The following ARHGAP15 variants were observed in gnomAD, a reference collection of about 807,000 sequenced individuals.
The protein encoded by ARHGAP15 is Rho GTPase activating protein 15.
ARHGAP15 carries 51 observed loss-of-function variants against 63.7 expected under a neutral mutation model. The ratio of observed to expected loss-of-function variants is 0.80; its 90% confidence interval spans 0.64 to 1.01. The LOEUF (loss-of-function observed/expected upper bound fraction) is 1.01. ARHGAP15 is among the 50% of genes least tolerant of loss of function. The pLI is 0.00. For missense variants in ARHGAP15, 560 were observed against 564.6 expected (o/e 0.99, Z 0.08); for synonymous variants, 191 against 193.8 (o/e 0.99, Z 0.12).
At chr2:143,162,402 A>G (rs552082248) in intron 2 of ARHGAP15, 41 of 152,152 alleles carry the variant, frequency 2.7e-4, no homozygotes, top group African/African-American at 9.6e-4. Flanking sequence ...ACGAAGGCAC[A>G]CTGTTCCTCT....
intron 3 of ARHGAP15, among the ~76,000 whole-genome samples, chr2:143,208,655 G>A (rs192464292): frequency 1.3e-5 from 2 of 152,184 alleles, no homozygotes; most frequent in Admixed American, 1.3e-4. Context: ...TATCACAACA[G>A]TTTTGTACAT....
intron 2 of ARHGAP15, among the ~76,000 whole-genome samples, chr2:143,176,922 C>T (rs933583861): frequency 6.6e-6 from 1 of 152,168 alleles, no homozygotes; most frequent in Admixed American, 6.5e-5. Context: ...CCACATGGGC[C>T]TTTCCATGGC....
intron 5 of ARHGAP15, among the ~76,000 whole-genome samples, chr2:143,243,524 AT>A (rs1474637369): frequency 3.3e-5 from 5 of 152,168 alleles, no homozygotes; most frequent in Admixed American, 1.3e-4. Context: ...ATATTTAGTC[AT>A]TTTTTAAAAA....
chr2:143,456,699 T>G (rs927557651), intron 8 of ARHGAP15, among the ~76,000 whole-genome samples: 2 of 152,036 alleles, frequency 1.3e-5, no homozygotes, highest in Non-Finnish European at 2.9e-5. Context: ...GATTATAACT[T>G]CAGCAGTCTA....
intron 9 of ARHGAP15, among the ~76,000 whole-genome samples, chr2:143,501,276 A>G (rs921910070): frequency 2.0e-5 from 3 of 152,254 alleles, no homozygotes; most frequent in Admixed American, 6.5e-5. Context: ...CGATGTTTAC[A>G]TCTTTTGTGA....
chr2:143,570,867 C>A (rs938272177), intron 11 of ARHGAP15, among the ~76,000 whole-genome samples: 2 of 152,038 alleles, frequency 1.3e-5, no homozygotes, highest in African/African-American at 2.4e-5. Context: ...CCAACAGAAC[C>A]AAGAGAATGT....
intron 6 of ARHGAP15, among the ~76,000 whole-genome samples, chr2:143,397,535 C>G (rs1237726904): frequency 1.3e-5 from 2 of 150,852 alleles, no homozygotes; most frequent in Non-Finnish European, 2.9e-5. Context: ...TGTGTGGAAA[C>G]AATTAATATG....
intron 6 of ARHGAP15, among the ~76,000 whole-genome samples, chr2:143,395,006 A>C (rs1019599512): frequency 6.6e-6 from 1 of 152,202 alleles, no homozygotes; most frequent in African/African-American, 2.4e-5. Flanking sequence ...TGCTATGCTT[A>C]GTCTGAAAGA....
In ARHGAP15 at chr2:143,556,427, A is replaced by G; in HGVS notation, c.945A>G (p.Ile315Met). 6.2e-7 allele frequency: 1 copy of G among 1,612,396 alleles called. No homozygotes were observed. The highest frequency in any genetic ancestry group is 8.5e-7 in the Non-Finnish European group (1 of 1,178,886). Residue 315 changes from isoleucine to methionine, a missense_variant, in exon 11 of 14, where the codon ATA becomes ATG. Coordinates refer to ENST00000295095, the MANE Select transcript of ARHGAP15 (RefSeq NM_018460.4). ...VEKRGLDVDG[I>M]YRVSGNLATI... The stretch of plus-strand genomic sequence containing the variant: ...CTTCAGGTCTAGATGTTGATGGAAT[A>G]TATCGAGTTAGTGGCAATCTGGCAA...
At chr2:143,728,614 A>G (rs534133549) in intron 13 of ARHGAP15, among the ~76,000 whole-genome samples, 2 of 152,292 alleles carry the variant, frequency 1.3e-5, no homozygotes, top group East Asian at 3.9e-4. Context: ...GAATGAAACA[A>G]TGATGACTTT....
rs965265275 is a variant in ARHGAP15, at chr2:143,278,868, CT to C, written c.474+28283del. 2.6e-3 allele frequency among the ~76,000 whole-genome samples: 358 copies of C among 135,262 alleles called. 1 individual carries two copies. Among genetic ancestry groups the C allele is most frequent in the African/African-American group, 5.6e-3 (208 of 37,060 alleles). 88.7% of individuals were successfully genotyped at this position (135,262 alleles called of 152,430 possible). On this transcript the variant is annotated intron_variant, in intron 6 of 13. Transcript: ENST00000295095. ...GCTACGCTGAAGAGTTTCTTTCTTT[CT>C]TTTTTTTTTTTTTTGGCCAGGCTAC...
At chr2:143,320,142 TAATTA>T (rs1347609774) in intron 6 of ARHGAP15, among the ~76,000 whole-genome samples, 1 of 152,200 alleles carries the variant, frequency 6.6e-6, no homozygotes, top group Non-Finnish European at 1.5e-5. Context: ...CAATGAAAGA[TAATTA>T]AAACTATGGG....
At chr2:143,237,480 A>G (rs1693700286) in intron 5 of ARHGAP15, 1 of 152,198 alleles carries the variant, frequency 6.6e-6, no homozygotes, top group Admixed American at 6.5e-5. Flanking sequence ...AAGCAGAGCT[A>G]TCCATCTAAG....
rs181427771 is a variant in ARHGAP15, at chr2:143,448,927, C to G, written c.703+11885C>G. 3.3e-5 allele frequency among the ~76,000 whole-genome samples: 5 copies of G among 151,988 alleles called. No individual in the cohort carries two copies. In the East Asian group the frequency reaches 9.7e-4, roughly 29 times the overall value. On this transcript the variant is annotated intron_variant, in intron 8 of 13. Transcript: ENST00000295095. ...TTGAAAGTCCAGAGCCAAAGGGTGG[C>G]CTTTGGGACTTGGACAAAAGACCTA...
At chr2:143,137,021 C>T (rs749910042) in intron 1 of ARHGAP15, among the ~76,000 whole-genome samples, 4 of 152,060 alleles carry the variant, frequency 2.6e-5, no homozygotes, top group Non-Finnish European at 5.9e-5. Flanking sequence ...AAGGAGTAGA[C>T]AGAGTGGCCA....
intron 6 of ARHGAP15, among the ~76,000 whole-genome samples, chr2:143,400,427 G>T (rs986686204): frequency 2.0e-5 from 3 of 151,896 alleles, no homozygotes; most frequent in Admixed American, 1.3e-4. Context: ...TGTTTACTGA[G>T]ACCCTGTATC....
chr2:143,362,081 T>C (rs1389073711), intron 6 of ARHGAP15, among the ~76,000 whole-genome samples: 2 of 152,180 alleles, frequency 1.3e-5, no homozygotes, highest in African/African-American at 4.8e-5. Context: ...AGGAATGCTG[T>C]TCTACCTAGC....
At chr2:143,726,236 G>T (rs1685272145) in intron 13 of ARHGAP15, among the ~76,000 whole-genome samples, 1 of 152,144 alleles carries the variant, frequency 6.6e-6, no homozygotes, top group Non-Finnish European at 1.5e-5. Flanking sequence ...TCTGTGGACT[G>T]GAATGCACCC....
intron 6 of ARHGAP15, among the ~76,000 whole-genome samples, chr2:143,404,278 A>G (rs1251325420): frequency 6.6e-6 from 1 of 151,876 alleles, no homozygotes; most frequent in Admixed American, 6.6e-5. Context: ...AAGAATTGGT[A>G]AAGACAATGA....
Sources: allele counts gnomAD v4.1 joint callset (sites outside exome capture counted in the v4.1 genomes callset), GRCh38; gene constraint gnomAD v4.1.1; transcripts MANE v1.5; gene names NCBI Gene and HGNC (gene_info 2026-07-23, HGNC 2026-07-21).